DSCAML1: variants seen among roughly 807,000 people sequenced by gnomAD.
DSCAML1 encodes the protein cell adhesion molecule DSCAML1.
Under a neutral mutation model 200.5 loss-of-function variants are expected in DSCAML1, and 38 were observed. That is an observed-to-expected ratio of 0.19 (90% CI 0.15 to 0.25). DSCAML1 has a LOEUF of 0.25. DSCAML1 is among the 10% of genes least tolerant of loss of function. DSCAML1 has a pLI of 1.00. For synonymous variants in DSCAML1, 1,215 were observed against 1,165.0 expected, an observed-to-expected ratio of 1.04 and a Z score of -0.87; for missense variants, 2,223 against 2,858.8, an observed-to-expected ratio of 0.78 and a Z score of 5.07.
chr11:117,480,126 C>T lies in DSCAML1; in HGVS notation c.2785+317G>A, dbSNP rs993602212. ...TGCTTCTGATGCCAGAGACAGCCCA[C>T]AGCCCTGGGTTCAGTGCCCTTACAT... On this transcript the variant is annotated intron_variant, in intron 14 of 32. Transcript: ENST00000651296. The surrounding 1 kb of genome is among the most constrained non-coding windows in gnomAD (Gnocchi z 4.1). Among the ~76,000 whole-genome samples the T allele has an allele frequency of 6.6e-6, 1 of 152,214 alleles. No individual in the cohort carries two copies. The highest frequency in any genetic ancestry group is 6.5e-5 in the Admixed American group (1 of 15,284).
At chr11:117,809,215 G>T (rs2055735143) in intron 1 of DSCAML1, among the ~76,000 whole-genome samples, 1 of 152,258 alleles carries the variant, frequency 6.6e-6, no homozygotes, top group African/African-American at 2.4e-5. Context: ...GCCTCATTTG[G>T]CGAAGGGGCT....
chr11:117,786,027 C>T (rs1374382105), intron 1 of DSCAML1, among the ~76,000 whole-genome samples: 3 of 152,100 alleles, frequency 2.0e-5, no homozygotes, highest in Admixed American at 6.5e-5. Context: ...CCAAGCTGGT[C>T]CCAATTTGGA....
chr11:117,694,078 T>TATATAC (rs61622292), intron 3 of DSCAML1, among the ~76,000 whole-genome samples: 1 of 38,692 alleles, frequency 2.6e-5, no homozygotes, highest in African/African-American at 5.2e-5. Context: ...TATATATATA[T>TATATAC]ACACATATAT....
intron 8 of DSCAML1, among the ~76,000 whole-genome samples, chr11:117,513,740 C>CAA (rs58490526): frequency 2.7e-4 from 21 of 77,720 alleles, no homozygotes; most frequent in East Asian, 4.7e-4. Flanking sequence ...GACTCTATCT[C>CAA]AAAAAAAAAA....
chr11:117,744,001 C>A (rs533702696), intron 3 of DSCAML1, among the ~76,000 whole-genome samples: 3 of 152,288 alleles, frequency 2.0e-5, no homozygotes, highest in Non-Finnish European at 2.9e-5. Flanking sequence ...CACCACTCAG[C>A]TCCGGATTAT....
At chr11:117,718,396 G>C (rs2137788171) in intron 3 of DSCAML1, among the ~76,000 whole-genome samples, 1 of 152,312 alleles carries the variant, frequency 6.6e-6, no homozygotes, top group East Asian at 1.9e-4. Flanking sequence ...TGTGTGCCGG[G>C]AACAAACTCA....
At chr11:117,548,363 AG>A (rs1218752479) in intron 3 of DSCAML1, among the ~76,000 whole-genome samples, 1 of 152,202 alleles carries the variant, frequency 6.6e-6, no homozygotes, top group Non-Finnish European at 1.5e-5. Context: ...GACTTTTGGT[AG>A]GTATTTCCAA....
At chr11:117,796,810 C>T (rs1160618051) in intron 1 of DSCAML1, among the ~76,000 whole-genome samples, 2 of 152,178 alleles carry the variant, frequency 1.3e-5, no homozygotes, top group African/African-American at 4.8e-5. Context: ...CCTACGGGCG[C>T]GCCCCAAAAC....
chr11:117,800,270 AAG>A (rs1278786015), upstream of DSCAML1, among the ~76,000 whole-genome samples: 6 of 152,278 alleles, frequency 3.9e-5, no homozygotes, highest in South Asian at 2.1e-4. Context: ...AACGCCGGGG[AAG>A]AGAGTCAGGC....
intron 3 of DSCAML1, among the ~76,000 whole-genome samples, chr11:117,648,704 A>C (rs2052570263): frequency 6.6e-6 from 1 of 152,016 alleles, no homozygotes; most frequent in African/African-American, 2.4e-5. Flanking sequence ...CCTGGTGCAC[A>C]CTCTGCCTCC....
At chr11:117,544,350 T>A (rs1190885714) in intron 3 of DSCAML1, among the ~76,000 whole-genome samples, 1 of 152,086 alleles carries the variant, frequency 6.6e-6, no homozygotes, top group Non-Finnish European at 1.5e-5. Context: ...ATAGGACTAA[T>A]GAGATAACTT....
At chr11:117,808,659 T>C (rs922687138) in intron 1 of DSCAML1, among the ~76,000 whole-genome samples, 3 of 152,216 alleles carry the variant, frequency 2.0e-5, no homozygotes, top group Non-Finnish European at 2.9e-5. Flanking sequence ...AAGGTTTATG[T>C]TCTGTAGTTT....
intron 3 of DSCAML1, among the ~76,000 whole-genome samples, chr11:117,597,253 T>A (rs1035323565): frequency 2.0e-5 from 3 of 152,194 alleles, no homozygotes; most frequent in African/African-American, 4.8e-5. Context: ...CTTTAATCAC[T>A]AAGACAGGAA....
chr11:117,740,804 C>T (rs971826644), intron 3 of DSCAML1, among the ~76,000 whole-genome samples: 4 of 152,240 alleles, frequency 2.6e-5, no homozygotes, highest in African/African-American at 7.2e-5. Context: ...ACTATGGCCA[C>T]AGATTTGTTG....
chr11:117,664,526 T>C (rs2052932744), intron 3 of DSCAML1, among the ~76,000 whole-genome samples: 2 of 152,120 alleles, frequency 1.3e-5, no homozygotes, highest in African/African-American at 4.8e-5. Flanking sequence ...CTACCTTACA[T>C]TGCTGTTTTG....
In DSCAML1 at chr11:117,504,717, T is replaced by A. The variant is rs1247511963; in HGVS notation, c.2182+207A>T. Among the ~76,000 whole-genome samples the A allele has an allele frequency of 1.3e-5, 2 of 151,950 alleles. No individual in the cohort carries two copies. The highest frequency in any genetic ancestry group is 4.8e-5 in the African/African-American group (2 of 41,354). On this transcript the variant is annotated intron_variant, in intron 10 of 32. Coordinates refer to ENST00000651296, the MANE Select transcript of DSCAML1 (RefSeq NM_020693.4). This position sits in a 1 kb window ranked among gnomAD's most constrained non-coding sequence, Gnocchi z 5.0. ...GACAAGAGGAAATACGGAGTCAGCA[T>A]GATGGCTGTTCCTGGTCCACAGACC...
chr11:117,740,040 C>T (rs545127032), intron 3 of DSCAML1, among the ~76,000 whole-genome samples: 1 of 152,088 alleles, frequency 6.6e-6, no homozygotes, highest in Non-Finnish European at 1.5e-5. Context: ...GGTAGAGATT[C>T]CCAAAAGGGA....
intron 3 of DSCAML1, among the ~76,000 whole-genome samples, chr11:117,775,917 GGCACTCA>G (rs551059016): frequency 1.8e-3 from 268 of 152,236 alleles, no homozygotes; most frequent in African/African-American, 4.8e-3. Context: ...ATGCTGAAAG[GGCACTCA>G]GAGATCACCT....
intron 4 of DSCAML1, among the ~76,000 whole-genome samples, chr11:117,531,486 CTCTAT>C (rs2050075572): frequency 6.6e-6 from 1 of 152,150 alleles, no homozygotes; most frequent in Admixed American, 6.6e-5. Context: ...AAGAAGAATC[CTCTAT>C]TCTGTTTAGA....
Sources: allele counts gnomAD v4.1 joint callset (sites outside exome capture counted in the v4.1 genomes callset), GRCh38; gene constraint gnomAD v4.1.1; non-coding constraint Gnocchi (gnomAD v3.1); transcripts MANE v1.5; gene names NCBI Gene and HGNC (gene_info 2026-07-23, HGNC 2026-07-21).